The following CUX2 variants were observed in gnomAD, a reference collection of about 807,000 sequenced individuals.
CUX2 encodes the protein homeobox protein cut-like 2.
CUX2 carries 40 observed loss-of-function variants against 144.8 expected under a neutral mutation model. That is an observed-to-expected ratio of 0.28 (90% CI 0.21 to 0.36). The LOEUF (loss-of-function observed/expected upper bound fraction) is 0.36. CUX2 is among the 10% of genes least tolerant of loss of function. The probability of loss-of-function intolerance (pLI) is 1.00; values close to 1 mark genes in which losing one functional copy is unlikely to be tolerated. For synonymous variants in CUX2, 827 were observed against 875.6 expected (o/e 0.94, Z 0.98); for missense variants, 1,615 against 1,994.0 (o/e 0.81, Z 3.62).
intron 1 of CUX2, among the ~76,000 whole-genome samples, chr12:111,048,229 C>T (rs1293708585): frequency 2.0e-5 from 3 of 152,190 alleles, no homozygotes; most frequent in African/African-American, 7.2e-5. Flanking sequence ...CCGCTGGGTT[C>T]AGCCTGATAG....
intron 1 of CUX2, among the ~76,000 whole-genome samples, chr12:111,198,849 G>A (rs1010257430): frequency 6.6e-6 from 1 of 152,212 alleles, no homozygotes; most frequent in African/African-American, 2.4e-5. Flanking sequence ...TGTAGCTGGA[G>A]TGCATAGAGT....
intron 1 of CUX2, among the ~76,000 whole-genome samples, chr12:111,102,967 G>A (rs1873348476): frequency 6.6e-6 from 1 of 152,190 alleles, no homozygotes; most frequent in Non-Finnish European, 1.5e-5. Context: ...TGAAGTGGAT[G>A]CCTTGATGTT....
chr12:111,341,051 T>C (rs1215269942), intron 20 of CUX2, among the ~76,000 whole-genome samples: 1 of 152,194 alleles, frequency 6.6e-6, no homozygotes, highest in Non-Finnish European at 1.5e-5. Flanking sequence ...ACAGAAAGTA[T>C]AAAAATGGCC....
chr12:111,265,308 AT>A (rs1324581184), intron 4 of CUX2, among the ~76,000 whole-genome samples: 11 of 128,142 alleles, frequency 8.6e-5, no homozygotes, highest in East Asian at 2.3e-4. Flanking sequence ...ATTTTATTTT[AT>A]TTTTATTTTA....
chr12:111,139,184 G>A (rs1272716630), intron 1 of CUX2, among the ~76,000 whole-genome samples: 3 of 152,100 alleles, frequency 2.0e-5, no homozygotes, highest in African/African-American at 2.4e-5. Flanking sequence ...GATGGTCTAC[G>A]AGGACCAAGG....
At chr12:111,103,567 G>A (rs1478266861) in intron 1 of CUX2, among the ~76,000 whole-genome samples, 2 of 152,200 alleles carry the variant, frequency 1.3e-5, no homozygotes, top group African/African-American at 4.8e-5. Flanking sequence ...CCCTGTTGGG[G>A]CCAAGTGAAA....
At chr12:111,332,604 C>G (rs750461758) in intron 18 of CUX2, among the ~76,000 whole-genome samples, 2 of 149,972 alleles carry the variant, frequency 1.3e-5, no homozygotes, top group Non-Finnish European at 2.9e-5. Flanking sequence ...TAGTTGTTGC[C>G]GTTTATTTAA....
At chr12:111,236,546 T>C (rs1457477849) in intron 3 of CUX2, among the ~76,000 whole-genome samples, 1 of 152,112 alleles carries the variant, frequency 6.6e-6, no homozygotes, top group Non-Finnish European at 1.5e-5. Context: ...TCAGGTCACA[T>C]GGAGTGTCAG....
At chr12:111,100,617 G>A (rs1873164762) in intron 1 of CUX2, among the ~76,000 whole-genome samples, 1 of 152,204 alleles carries the variant, frequency 6.6e-6, no homozygotes, top group Admixed American at 6.5e-5. Flanking sequence ...ACCCACAAGT[G>A]TGTGAATTGT....
intron 1 of CUX2, among the ~76,000 whole-genome samples, chr12:111,197,329 C>T (rs1162503758): frequency 1.3e-5 from 2 of 152,178 alleles, no homozygotes; most frequent in Non-Finnish European, 1.5e-5. Context: ...TGCCTGGCCC[C>T]CAGGACTGGA....
At chr12:111,259,031 C>CTCTGTG (rs1351800495) in intron 3 of CUX2, among the ~76,000 whole-genome samples, 2 of 132,218 alleles carry the variant, frequency 1.5e-5, no homozygotes, top group African/African-American at 5.7e-5. Flanking sequence ...CCACACCCAG[C>CTCTGTG]TGTGTGTGTG....
In CUX2 at chr12:111,079,757, G is replaced by A. The variant is rs534115175; in HGVS notation, c.63+45517G>A. 2.9e-4 allele frequency among the ~76,000 whole-genome samples: 44 copies of A among 152,308 alleles called. No homozygotes were observed. In the South Asian group the frequency reaches 3.9e-3, roughly 14 times the overall value. The stretch of plus-strand genomic sequence containing the variant: ...GGCAGAACAGCCTGTGCGTACACCT[G>A]TGTGCATGTGTGTCCAGGTCAGTTT... On this transcript the variant is annotated intron_variant, in intron 1 of 21. Coordinates refer to ENST00000261726, the MANE Select transcript of CUX2 (RefSeq NM_015267.4).
At chr12:111,313,211 G>A (rs1438583232) in intron 16 of CUX2, among the ~76,000 whole-genome samples, 1 of 147,580 alleles carries the variant, frequency 6.8e-6, no homozygotes, top group East Asian at 2.1e-4. Flanking sequence ...ACACGCACGC[G>A]CCACCACACC....
intron 3 of CUX2, among the ~76,000 whole-genome samples, chr12:111,233,391 G>T (rs1483200216): frequency 6.6e-6 from 1 of 152,104 alleles, no homozygotes; most frequent in African/African-American, 2.4e-5. Context: ...CATTCCTGAG[G>T]TTTATAAACT....
At chr12:111,336,430 G>A (rs1592983320) in intron 19 of CUX2, among the ~76,000 whole-genome samples, 1 of 73,562 alleles carries the variant, frequency 1.4e-5, no homozygotes, top group Non-Finnish European at 2.3e-5. Flanking sequence ...AGTGTTGTGT[G>A]TGTGTGTGTG....
chr12:111,324,719 T>G (rs184801026), intron 18 of CUX2, among the ~76,000 whole-genome samples: 7,775 of 151,778 alleles, frequency 0.051, 212 homozygotes, highest in South Asian at 0.089. Flanking sequence ...AGGCTGGTCT[T>G]GAACTCCTGA....
At chr12:111,121,555 T>C (rs1289189201) in intron 1 of CUX2, among the ~76,000 whole-genome samples, 1 of 150,884 alleles carries the variant, frequency 6.6e-6, no homozygotes, top group Non-Finnish European at 1.5e-5. Context: ...AGAGGTGGGG[T>C]TTCATCATGT....
At position 111,037,871 on chromosome 12, in the gene CUX2, G is replaced by A. The variant is rs1234267144; in HGVS notation, c.63+3631G>A. On this transcript the variant is annotated intron_variant, in intron 1 of 21. Transcript: ENST00000261726. This position sits in a 1 kb window ranked among gnomAD's most constrained non-coding sequence, Gnocchi z 5.4. ...TTAATTGAGCTAACAATGAGCTGGG[G>A]GGCACCCAGTCCAAATGAGGGTCCT... is the stretch of plus-strand genomic sequence containing the variant. Among the ~76,000 whole-genome samples, 1 of 152,082 alleles carries A rather than the reference G, an allele frequency of 6.6e-6. No homozygotes were observed. The highest frequency in any genetic ancestry group is 6.5e-5 in the Admixed American group (1 of 15,280).
chr12:111,309,168 G>T (rs1307458946), intron 14 of CUX2, among the ~76,000 whole-genome samples: 1 of 152,108 alleles, frequency 6.6e-6, no homozygotes, highest in African/African-American at 2.4e-5. Flanking sequence ...GCCTCCCAAA[G>T]TGCTGGGATT....
Sources: allele counts gnomAD v4.1 joint callset (sites outside exome capture counted in the v4.1 genomes callset), GRCh38; gene constraint gnomAD v4.1.1; non-coding constraint Gnocchi (gnomAD v3.1); transcripts MANE v1.5; gene names NCBI Gene and HGNC (gene_info 2026-07-23, HGNC 2026-07-21).